The following BRAF variants were observed in gnomAD, a reference collection of about 807,000 sequenced individuals.
BRAF encodes serine/threonine-protein kinase B-raf.
A neutral mutation model predicts 104.6 loss-of-function variants in BRAF; 16 were observed. The ratio of observed to expected loss-of-function variants is 0.15; its 90% confidence interval spans 0.10 to 0.23. The LOEUF (loss-of-function observed/expected upper bound fraction) is 0.23. Ranked by LOEUF, BRAF falls within the 10% of genes least tolerant of loss-of-function variation. BRAF has a pLI of 1.00. For synonymous variants in BRAF, 310 were observed against 341.6 expected, an observed-to-expected ratio of 0.91 and a Z score of 1.02; for missense variants, 541 against 937.3, an observed-to-expected ratio of 0.58 and a Z score of 5.52.
rs2129153281 is a variant in BRAF at position 140,924,621 on chromosome 7, C to G, written c.83G>C (p.Gly28Ala). 1 of 1,525,582 alleles carries G rather than the reference C, an allele frequency of 6.6e-7. No homozygotes were observed. Among genetic ancestry groups the G allele is most frequent in the Non-Finnish European group, 8.8e-7 (1 of 1,141,800 alleles). 94.5% of individuals were successfully genotyped at this position (1,525,582 alleles called of 1,614,324 possible). Reference protein sequence around the residue: ...LFNGDMEPEAGAGAGAAASSA... With the variant: ...LFNGDMEPEAAAGAGAAASSA... ...AGAGGCCGCGGCGCCGGCGCCGGCG[C>G]CGGCCTCGGGCTCCATGTCCCCGTT... Residue 28 changes from glycine to alanine, a missense_variant, in exon 1 of 20, where the codon GGC becomes GCC. Gly to Ala is a moderately conservative substitution (Grantham distance 60, BLOSUM62 0). This residue lies in a region of BRAF where 82 missense variants were observed against 65.9 expected (regional missense o/e 1.24). Coordinates refer to ENST00000644969, the MANE Select transcript of BRAF (RefSeq NM_001374258.1). This position sits in a 1 kb window ranked among gnomAD's most constrained non-coding sequence, Gnocchi z 4.2.
intron 8 of BRAF, among the ~76,000 whole-genome samples, chr7:140,792,644 C>T (rs1254822280): frequency 6.6e-6 from 1 of 152,082 alleles, no homozygotes; most frequent in African/African-American, 2.4e-5. Flanking sequence ...AGTTTATTAC[C>T]CCCTTCTCTA....
chr7:140,910,620 C>T (rs1423998694), intron 1 of BRAF, among the ~76,000 whole-genome samples: 1 of 152,160 alleles, frequency 6.6e-6, no homozygotes, highest in Non-Finnish European at 1.5e-5. Context: ...AGTTCTCAGA[C>T]CAGTCCTTGA....
chr7:140,850,619 A>G (rs1809059977), intron 1 of BRAF, among the ~76,000 whole-genome samples: 1 of 152,202 alleles, frequency 6.6e-6, no homozygotes, highest in South Asian at 2.1e-4. Flanking sequence ...AATACTATAT[A>G]TAAAATACTT....
intron 2 of BRAF, among the ~76,000 whole-genome samples, chr7:140,841,502 T>C (rs945413685): frequency 6.6e-6 from 1 of 152,208 alleles, no homozygotes; most frequent in Admixed American, 6.5e-5. Flanking sequence ...TGTTCATCAG[T>C]TGATGAATGG....
At position 140,785,757 on chromosome 7, in the gene BRAF, G is replaced by C. The variant is rs1472917101; in HGVS notation, c.1229C>G (p.Pro410Arg). 1 of 398,930 alleles carries C rather than the reference G, an allele frequency of 2.5e-6. No homozygotes were observed. Among genetic ancestry groups the C allele is most frequent in the African/African-American group, 2.1e-5 (1 of 48,630 alleles). 24.7% of individuals were successfully genotyped at this position (398,930 alleles called of 1,614,324 possible). A position where few individuals can be genotyped will look rare whatever the true frequency, so the allele number is the denominator to read the frequency against. ...GGGGACAGAATGTAGGAGGGGACTGGGAGTCCGGGATTGGTATTTCCGAAG... is the reference window on the plus strand; with the variant it reads ...GGGGACAGAATGTAGGAGGGGACTGCGAGTCCGGGATTGGTATTTCCGAAG... ...RCLRKYQSRT[P>R]SPLLHSVPSE... is the part of the protein sequence containing the mutation. Residue 410 changes from proline (P) to arginine (R), a missense_variant, in exon 10 of 20, where the codon CCC (proline) becomes CGC (arginine). Around this residue, in one of 10 missense-constraint regions of BRAF, gnomAD observed 109 missense variants for 143.9 expected, o/e 0.76. Coordinates refer to ENST00000644969, the MANE Select transcript of BRAF (RefSeq NM_001374258.1).
intron 1 of BRAF, among the ~76,000 whole-genome samples, chr7:140,882,569 G>C (rs775519660): frequency 4.0e-4 from 60 of 151,824 alleles, no homozygotes; most frequent in Non-Finnish European, 7.1e-4. Context: ...GTAGAGATTG[G>C]GTTTCACCAT....
intron 17 of BRAF, 182 bp from the exon 17 acceptor site, chr7:140,740,128 G>A (rs1796788345): frequency 3.2e-6 from 2 of 622,110 alleles, no homozygotes; most frequent in South Asian, 4.0e-5. Flanking sequence ...CACAAAAGGA[G>A]TGCAAGCTCA....
chr7:140,886,864 T>TGTAGTTG (rs1813624706), intron 1 of BRAF, among the ~76,000 whole-genome samples: 1 of 152,222 alleles, frequency 6.6e-6, no homozygotes, highest in African/African-American at 2.4e-5. Flanking sequence ...TAATGTAGTT[T>TGTAGTTG]TTATTGTTAT....
intron 1 of BRAF, among the ~76,000 whole-genome samples, chr7:140,901,867 T>C (rs1416684615): frequency 6.6e-6 from 1 of 152,248 alleles, no homozygotes; most frequent in African/African-American, 2.4e-5. Context: ...TCTTTATTTA[T>C]CTACTTCTAC....
intron 1 of BRAF, among the ~76,000 whole-genome samples, chr7:140,922,198 C>A (rs950399083): frequency 7.9e-5 from 12 of 152,126 alleles, no homozygotes; most frequent in Non-Finnish European, 1.3e-4. Flanking sequence ...TGTTTTTTAA[C>A]CAAGTAAAAT....
chr7:140,795,448 AC>A (rs1586190254), intron 7 of BRAF, among the ~76,000 whole-genome samples: 1 of 152,204 alleles, frequency 6.6e-6, no homozygotes, highest in East Asian at 1.9e-4. Flanking sequence ...TTATCATTCC[AC>A]CCTATTTTAT....
intron 1 of BRAF, among the ~76,000 whole-genome samples, chr7:140,879,645 G>T (rs1420001846): frequency 6.6e-6 from 1 of 150,748 alleles, no homozygotes; most frequent in African/African-American, 2.4e-5. Flanking sequence ...CATCATTTTT[G>T]TGTTGGTGGG....
At chr7:140,780,123 C>T (rs1800721709) in intron 12 of BRAF, among the ~76,000 whole-genome samples, 1 of 151,948 alleles carries the variant, frequency 6.6e-6, no homozygotes, top group African/African-American at 2.4e-5. Flanking sequence ...TAAAAAAATT[C>T]CCTTAATTAT....
At position 140,833,432 on chromosome 7, in the gene BRAF, G is replaced by T. The variant is rs373110146; in HGVS notation, c.504+1177C>A. 3.9e-4 allele frequency among the ~76,000 whole-genome samples: 60 copies of T among 152,250 alleles called. 1 individual carries two copies. The South Asian group carries it at 0.012, about 30-fold the overall frequency. ...GATGGGATGTTTGCCAGTTTTGTTA[G>T]GCTGCTTCGAAGATTATCTATTTAC... On this transcript the variant is annotated intron_variant, in intron 3 of 19. Coordinates refer to ENST00000644969, the MANE Select transcript of BRAF (RefSeq NM_001374258.1).
intron 14 of BRAF, among the ~76,000 whole-genome samples, chr7:140,770,382 TA>T (rs1799720932): frequency 6.6e-6 from 1 of 152,310 alleles, no homozygotes; most frequent in African/African-American, 2.4e-5. Flanking sequence ...AAATTATTTT[TA>T]ATCATCTTAT....
At position 140,794,352 on chromosome 7, in the gene BRAF, C is replaced by T. The variant is rs1038048880; in HGVS notation, c.1096G>A (p.Ala366Thr). Residue 366 changes from alanine (A) to threonine (T), a missense_variant, in exon 8 of 20, where the codon GCT becomes ACT. Transcript: ENST00000644969. ...QFGQRDRSSSAPNVHINTIEP... is the reference protein window; with the variant it reads ...QFGQRDRSSSTPNVHINTIEP... ...ATTGTGTTTATATGCACATTGGGAGCTGATGAGGATCGGTCTCGTTGCCCA... is the reference window on the plus strand; with the variant it reads ...ATTGTGTTTATATGCACATTGGGAGTTGATGAGGATCGGTCTCGTTGCCCA... 6.2e-7 allele frequency: 1 copy of T among 1,613,850 alleles called. No homozygotes were observed. The highest frequency in any genetic ancestry group is 8.5e-7 in the Non-Finnish European group (1 of 1,180,004).
intron 19 of BRAF, chr7:140,732,593 G>A (rs1796068773): frequency 1.3e-5 from 2 of 152,288 alleles, no homozygotes; most frequent in South Asian, 4.2e-4. Flanking sequence ...GCTACAGAAT[G>A]GAACAATGAG....
chr7:140,840,633 A>G (rs1439089651), intron 2 of BRAF, among the ~76,000 whole-genome samples: 1 of 151,778 alleles, frequency 6.6e-6, no homozygotes, highest in Non-Finnish European at 1.5e-5. Flanking sequence ...TCTACAAAAA[A>G]TACAAAAATT....
chr7:140,824,304 C>T (rs1805776990), intron 3 of BRAF: 1 of 152,032 alleles, frequency 6.6e-6, no homozygotes, highest in East Asian at 1.9e-4. Flanking sequence ...GTCTTTGATC[C>T]ATTTTGGGTT....
Sources: gnomAD v4.1 joint callset for allele counts (sites outside exome capture counted in the v4.1 genomes callset) on GRCh38, gnomAD v4.1.1 for gene constraint, gnomAD v4.1.1 regional missense constraint, Gnocchi (gnomAD v3.1) non-coding constraint, MANE v1.5 for transcripts, NCBI Gene and HGNC (gene_info 2026-07-23, HGNC 2026-07-21) for gene names.